Variants in WAPL observed in about 807,000 individuals in gnomAD.
The protein encoded by WAPL is WAPL cohesin release factor.
A neutral mutation model predicts 121.0 loss-of-function variants in WAPL; 5 were observed. That is an observed-to-expected ratio of 0.04 (90% confidence interval 0.02 to 0.09). The LOEUF is 0.09. Among genes scored for constraint, WAPL ranks in the 10% least tolerant of loss-of-function variants. The pLI, the probability that WAPL is intolerant of heterozygous loss-of-function variation, is 1.00. For missense variants in WAPL, 999 were observed against 1,410.8 expected, an observed-to-expected ratio of 0.71 and a Z score of 4.68; for synonymous variants, 480 against 481.5, an observed-to-expected ratio of 1.00 and a Z score of 0.04.
chr10:86,500,631 G>A lies in WAPL; in HGVS notation c.612C>T (p.Ile204=), dbSNP rs1381048847. 6.2e-7 allele frequency: 1 copy of A among 1,613,968 alleles called. No individual in the cohort carries two copies. The highest frequency in any genetic ancestry group is 1.7e-5 in the Admixed American group (1 of 60,004). The change falls in exon 3 of 19, where the codon ATC becomes ATT. Residue 204 remains isoleucine, a synonymous_variant. Transcript: ENST00000298767. ...PNAETTVASE[I]KETNDTWNSQ... is the part of the protein sequence containing the mutation. ...AGTTCCAAGTATCATTTGTTTCCTT[G>A]ATTTCAGAAGCCACTGTAGTTTCTG...
chr10:86,449,477 T>A (rs779621419), intron 15 of WAPL, among the ~76,000 whole-genome samples: 6 of 152,150 alleles, frequency 3.9e-5, no homozygotes, highest in Non-Finnish European at 7.3e-5. Context: ...AGAGAAGATA[T>A]AGGATGATAC....
intron 4 of WAPL, among the ~76,000 whole-genome samples, chr10:86,487,929 T>C (rs1459898039): frequency 1.3e-5 from 2 of 152,026 alleles, no homozygotes; most frequent in Non-Finnish European, 2.9e-5. Flanking sequence ...GAGTTAATGC[T>C]TTCTAACACA....
chr10:86,467,617 T>TA, intron 8 of WAPL, 111 bp from the exon 9 acceptor site: 1 of 781,166 alleles, frequency 1.3e-6, no homozygotes, highest in South Asian at 2.1e-5. Context: ...GCTTAAAACT[T>TA]ATATTACTAA....
At chr10:86,466,133 G>A (rs2132186863) in intron 9 of WAPL, among the ~76,000 whole-genome samples, 1 of 152,244 alleles carries the variant, frequency 6.6e-6, no homozygotes, top group South Asian at 2.1e-4. Context: ...GCAGCCACTG[G>A]CCATGACTGT....
At chr10:86,508,503 A>G (rs1842393122) in intron 2 of WAPL, among the ~76,000 whole-genome samples, 1 of 152,006 alleles carries the variant, frequency 6.6e-6, no homozygotes, top group South Asian at 2.1e-4. Flanking sequence ...AACAAGTTGT[A>G]AACACTTGTT....
chr10:86,510,960 G>A (rs1229987351), intron 2 of WAPL, among the ~76,000 whole-genome samples: 5 of 151,450 alleles, frequency 3.3e-5, no homozygotes, highest in African/African-American at 1.2e-4. Context: ...CCAAGTAGCT[G>A]GAACTACGGG....
intron 17 of WAPL, among the ~76,000 whole-genome samples, chr10:86,442,915 C>T (rs973514778): frequency 1.3e-5 from 2 of 151,784 alleles, no homozygotes; most frequent in Admixed American, 1.3e-4. Context: ...CGGTGGCAGG[C>T]GCCTGTAGTC....
At chr10:86,455,959 CTA>C (rs1266518710) in intron 12 of WAPL, among the ~76,000 whole-genome samples, 10 of 152,122 alleles carry the variant, frequency 6.6e-5, no homozygotes, top group African/African-American at 2.4e-4. Context: ...TTTATCAGAA[CTA>C]TGAGTCTTTT....
At chr10:86,469,730 G>A (rs917139771) in intron 8 of WAPL, among the ~76,000 whole-genome samples, 1 of 152,208 alleles carries the variant, frequency 6.6e-6, no homozygotes, top group Non-Finnish European at 1.5e-5. Context: ...GCCCCCAGAA[G>A]TAGAGAAGCA....
Position 86,461,180 on chromosome 10 carries a change from A to G in WAPL, c.2478T>C (p.Asp826=). 6.2e-7 allele frequency: 1 copy of G among 1,607,136 alleles called. No homozygotes were observed. The change falls in exon 10 of 19, where the codon GAT becomes GAC. Residue 826 remains aspartate, a synonymous_variant. Transcript: ENST00000298767. ...RLLGGLDHIV[D]KVKECVDHLS... is the part of the protein sequence containing the mutation. The stretch of plus-strand genomic sequence containing the variant: ...TTCTAAATGTAAATATCATACCTTT[A>G]TCTACAATATGATCCAGACCACCCA...
chr10:86,437,526 A>C lies in WAPL; in HGVS notation c.*17T>G. ...TAGCTCCAGCATTACCGAGCACCTG[A>C]AGCAAAGGTAAAGCAGCTAGCAATG... On this transcript the variant is annotated 3_prime_UTR_variant, in exon 19 of 19. Coordinates refer to ENST00000298767, the MANE Select transcript of WAPL (RefSeq NM_015045.5). The C allele has an allele frequency of 6.2e-7, 1 of 1,612,474 alleles. No homozygotes were observed. Among genetic ancestry groups the C allele is most frequent in the Non-Finnish European group, 8.5e-7 (1 of 1,179,356 alleles).
intron 11 of WAPL, among the ~76,000 whole-genome samples, chr10:86,459,533 C>G (rs1043176327): frequency 1.3e-5 from 2 of 152,146 alleles, no homozygotes; most frequent in African/African-American, 4.8e-5. Flanking sequence ...ACCTGGTGAA[C>G]AAACCTATGC....
At position 86,497,125 on chromosome 10, in the gene WAPL, T is replaced by C. The variant is rs1842164705; in HGVS notation, c.1644+76A>G. 5 of 1,228,636 alleles carry C rather than the reference T, an allele frequency of 4.1e-6. No individual in the cohort carries two copies. In the South Asian group the frequency reaches 5.4e-5, roughly 13 times the overall value. The allele number at this position is 1,228,636 out of a possible 1,614,324, so 76.1% of individuals were successfully genotyped here. On this transcript the variant is annotated intron_variant, in intron 4 of 18. Transcript: ENST00000298767. The stretch of plus-strand genomic sequence containing the variant: ...AGTTGCTATGATGTTTATTAGTAAC[T>C]TTCAAATAAAAAATTAAGAGTTGAG...
At chr10:86,483,784 A>AT (rs68056280) in intron 4 of WAPL, among the ~76,000 whole-genome samples, 10 of 131,414 alleles carry the variant, frequency 7.6e-5, no homozygotes, top group East Asian at 2.4e-4. Flanking sequence ...AAAAAAAAAA[A>AT]TTTTTTTTTC....
chr10:86,444,802 T>C (rs556044110), intron 16 of WAPL, among the ~76,000 whole-genome samples: 2 of 146,266 alleles, frequency 1.4e-5, no homozygotes, highest in South Asian at 4.2e-4. Context: ...TACTCATTTT[T>C]AAAGGATGAA....
At chr10:86,448,415 T>C (rs1840890164) in intron 15 of WAPL, among the ~76,000 whole-genome samples, 2 of 152,180 alleles carry the variant, frequency 1.3e-5, no homozygotes, top group Non-Finnish European at 2.9e-5. Context: ...TGGACCACTG[T>C]ACTTCAGCCT....
intron 14 of WAPL, among the ~76,000 whole-genome samples, 168 bp from the exon 15 acceptor site, chr10:86,452,299 A>G (rs1841002075): frequency 6.6e-6 from 1 of 152,146 alleles, no homozygotes; most frequent in African/African-American, 2.4e-5. Context: ...AAGAAAAAAA[A>G]AAAAGAAAAA....
At chr10:86,466,178 G>A (rs922660321) in intron 9 of WAPL, among the ~76,000 whole-genome samples, 1 of 152,164 alleles carries the variant, frequency 6.6e-6, no homozygotes, top group Admixed American at 6.6e-5. Context: ...GAGGTGAGGT[G>A]CCTAGGAATC....
chr10:86,461,445 T>C (rs770587390), intron 9 of WAPL, among the ~76,000 whole-genome samples, 158 bp from the exon 10 acceptor site: 2 of 152,220 alleles, frequency 1.3e-5, no homozygotes, highest in Non-Finnish European at 2.9e-5. Context: ...TAGTCCACAT[T>C]GAACAAAGTT....
Sources: gnomAD v4.1 joint callset for allele counts (sites outside exome capture counted in the v4.1 genomes callset) on GRCh38, gnomAD v4.1.1 for gene constraint, MANE v1.5 for transcripts, NCBI Gene and HGNC (gene_info 2026-07-23, HGNC 2026-07-21) for gene names.